USH1C: variants seen among roughly 807,000 people sequenced by gnomAD.
USH1C encodes harmonin.
In USH1C, 90 loss-of-function variants were observed where a neutral mutation model predicts 119.3. That is an observed-to-expected ratio of 0.75 (90% CI 0.64 to 0.90). The LOEUF (loss-of-function observed/expected upper bound fraction) is 0.90. Among genes scored for constraint, USH1C ranks in the 40% least tolerant of loss-of-function variants. The pLI, the probability that USH1C is intolerant of heterozygous loss-of-function variation, is 0.00. For synonymous variants in USH1C, 465 were observed against 443.3 expected, an observed-to-expected ratio of 1.05 and a Z score of -0.62; for missense variants, 1,165 against 1,167.7, an observed-to-expected ratio of 1.00 and a Z score of 0.03.
At chr11:17,510,128 A>G (rs1221115415) in intron 17 of USH1C, among the ~76,000 whole-genome samples, 3 of 152,150 alleles carry the variant, frequency 2.0e-5, no homozygotes, top group African/African-American at 7.2e-5. Flanking sequence ...TTGAGAGTGT[A>G]AGGGGGACTC....
chr11:17,510,663 T>A, intron 16 of USH1C, 142 bp from the exon 17 acceptor site: 1 of 713,152 alleles, frequency 1.4e-6, no homozygotes, highest in Non-Finnish European at 2.5e-6. Context: ...GACCTGGGCT[T>A]GTTCCAACTG....
rs1472608729 is a variant in USH1C at position 17,510,321 on chromosome 11, T to C, written c.1530+84A>G. The C allele has an allele frequency of 5.2e-6, 6 of 1,147,880 alleles. No individual in the cohort carries two copies. The East Asian group carries it at 1.2e-4, about 23-fold the overall frequency. The allele number at this position is 1,147,880 out of a possible 1,614,324, so 71.1% of individuals were successfully genotyped here. The stretch of plus-strand genomic sequence containing the variant: ...CTGTGAGGCTAGTGACGTTTGCTAG[T>C]TGTCATCTCACCTCCCGCTGTCCCC... On this transcript the variant is annotated intron_variant, in intron 17 of 26. Transcript: ENST00000005226.
At chr11:17,499,297 G>A (rs183762859) in intron 23 of USH1C, among the ~76,000 whole-genome samples, 42 of 152,356 alleles carry the variant, frequency 2.8e-4, no homozygotes, top group Admixed American at 2.1e-3. Context: ...GACAATGGTG[G>A]CCATGGTGGC....
chr11:17,495,590 G>A lies in USH1C; in HGVS notation c.2634C>T (p.Phe878=). The A allele has an allele frequency of 6.2e-7, 1 of 1,614,164 alleles. No individual in the cohort carries two copies. The highest frequency in any genetic ancestry group is 8.5e-7 in the Non-Finnish European group (1 of 1,180,046). ...TCACCGTGGGCTCCAGCTGCAGGAG[G>A]AACCCGTGTCTGTGCACGGCAGCAC... is the stretch of plus-strand genomic sequence containing the variant. The part of the protein sequence containing the change: ...EDRAAVHRHG[F]LLQLEPTDLL... Residue 878 remains phenylalanine (F), a synonymous_variant, in exon 26 of 27, where the codon TTC becomes TTT. Coordinates refer to ENST00000005226, the MANE Select transcript of USH1C (RefSeq NM_153676.4).
chr11:17,534,294 G>T lies in USH1C; in HGVS notation c.37-972C>A, dbSNP rs138740932. On this transcript the variant is annotated intron_variant, in intron 1 of 26. Transcript: ENST00000005226. ...AGAGCAGCGTTACCTCTTTCTGTGG[G>T]TATCCCAAGGGTTCTGGAAGACCGG... is the stretch of plus-strand genomic sequence containing the variant. Among the ~76,000 whole-genome samples the T allele has an allele frequency of 4.1e-3, 625 of 152,340 alleles. 5 individuals are homozygous for T. Among genetic ancestry groups the T allele is most frequent in the Non-Finnish European group, 7.2e-3 (489 of 68,026 alleles).
intron 24 of USH1C, 45 bp downstream of exon 24, chr11:17,498,117 G>C (rs1246807854): frequency 1.3e-6 from 2 of 1,573,830 alleles, no homozygotes; most frequent in Non-Finnish European, 1.7e-6. Context: ...CAGGGTTTGA[G>C]GCAGGCAGGT....
At position 17,524,795 on chromosome 11, in the gene USH1C, A is replaced by C. The variant is rs530903680; in HGVS notation, c.675-260T>G. ...CTTTCTAGCACTTTCCTGTCCATCC[A>C]TTAAGACTCAAATGCTATCCCTTCT... On this transcript the variant is annotated intron_variant, in intron 8 of 26. Coordinates refer to ENST00000005226, the MANE Select transcript of USH1C (RefSeq NM_153676.4). 0.023 allele frequency among the ~76,000 whole-genome samples: 3,553 copies of C among 152,268 alleles called. 142 individuals carry two copies. Among genetic ancestry groups the C allele is most frequent in the African/African-American group, 0.08 (3,329 of 41,514 alleles).
chr11:17,542,119 C>T (rs1851495638), intron 1 of USH1C, among the ~76,000 whole-genome samples: 1 of 152,230 alleles, frequency 6.6e-6, no homozygotes, highest in Non-Finnish European at 1.5e-5. Context: ...TATCTCTTTT[C>T]ACAAGTAAGA....
rs534567723 is a variant in USH1C, at chr11:17,494,215, G to C, written c.*117C>G. The C allele has an allele frequency of 3.0e-4, 397 of 1,322,830 alleles. No individual in the cohort carries two copies. Among genetic ancestry groups the C allele is most frequent in the Non-Finnish European group, 4.0e-4 (379 of 939,818 alleles). 81.9% of individuals were successfully genotyped at this position (1,322,830 alleles called of 1,614,324 possible). On this transcript the variant is annotated 3_prime_UTR_variant, in exon 27 of 27. Transcript: ENST00000005226. Reference sequence around the variant, plus strand: ...TGGTTCAGGGCCAAAGGGAGTTTGAGATTCCTGGGTGATAGATTCAGGTCC... The same window carrying C: ...TGGTTCAGGGCCAAAGGGAGTTTGACATTCCTGGGTGATAGATTCAGGTCC...
chr11:17,519,868 A>C (rs1296022701), intron 14 of USH1C, among the ~76,000 whole-genome samples: 1 of 152,198 alleles, frequency 6.6e-6, no homozygotes, highest in Non-Finnish European at 1.5e-5. Flanking sequence ...GCAGGTTGAC[A>C]TTCCCATAGG....
chr11:17,526,673 C>T, intron 7 of USH1C, 80 bp downstream of exon 7: 2 of 1,482,244 alleles, frequency 1.3e-6, no homozygotes, highest in Non-Finnish European at 1.9e-6. Flanking sequence ...ATCTCTAGAG[C>T]AAGCCCTCCC....
rs921755529 is a variant in USH1C, at chr11:17,501,152, T to C, written c.2281-2A>G. On this transcript the variant is annotated splice_acceptor_variant, in intron 22 of 26. Coordinates refer to ENST00000005226, the MANE Select transcript of USH1C (RefSeq NM_153676.4). LOFTEE classifies it high-confidence loss of function. ...CAGGGCCAGGTCTAAGGATCCCTCC[T>C]GGTTAGAGGAAAACAGGCCTTAGGG... 6.2e-7 allele frequency: 1 copy of C among 1,612,474 alleles called. No homozygotes were observed. Among genetic ancestry groups the C allele is most frequent in the African/African-American group, 1.3e-5 (1 of 74,860 alleles).
At chr11:17,528,483 G>A (rs1180849550) in intron 4 of USH1C, among the ~76,000 whole-genome samples, 1 of 152,248 alleles carries the variant, frequency 6.6e-6, no homozygotes, top group Non-Finnish European at 1.5e-5. Flanking sequence ...GCAAAACAGA[G>A]ACTGGCTCCT....
chr11:17,537,143 T>C (rs1399778692), intron 1 of USH1C, among the ~76,000 whole-genome samples: 3 of 152,228 alleles, frequency 2.0e-5, no homozygotes. Context: ...AATACCACCA[T>C]CACTTAAATT....
At chr11:17,527,370 G>C (rs771665337) in intron 4 of USH1C, 39 bp from the exon 5 acceptor site, 75 of 1,526,860 alleles carry the variant, frequency 4.9e-5, no homozygotes, top group Admixed American at 2.8e-4. Flanking sequence ...CAGGTGGAGG[G>C]AGCATCAGGC....
intron 1 of USH1C, among the ~76,000 whole-genome samples, chr11:17,534,589 C>T (rs950385728): frequency 3.3e-5 from 5 of 152,166 alleles, no homozygotes; most frequent in African/African-American, 1.2e-4. Context: ...GAGTTCCCAG[C>T]TAGGGCTGGG....
At chr11:17,497,739 G>T (rs1323143514) in intron 24 of USH1C, among the ~76,000 whole-genome samples, 1 of 152,228 alleles carries the variant, frequency 6.6e-6, no homozygotes, top group Non-Finnish European at 1.5e-5. Context: ...TGCAGTGGCC[G>T]TGATCCAGGT....
In USH1C at chr11:17,533,370, C is replaced by A. The variant is rs375816874; in HGVS notation, c.37-48G>T. On this transcript the variant is annotated intron_variant, in intron 1 of 26. Coordinates refer to ENST00000005226, the MANE Select transcript of USH1C (RefSeq NM_153676.4). ...CACAGCTCCAGGCTCAGCACCCGCCCCCATAGCAGACCTCAGGGAGGAGAG... is the reference window on the plus strand; with the variant it reads ...CACAGCTCCAGGCTCAGCACCCGCCACCATAGCAGACCTCAGGGAGGAGAG... 634 of 1,366,916 alleles carry A rather than the reference C, an allele frequency of 4.6e-4. 1 individual carries two copies. In the African/African-American group the frequency reaches 5.5e-3, roughly 12 times the overall value. 84.7% of individuals were successfully genotyped at this position (1,366,916 alleles called of 1,614,324 possible). A position where few individuals can be genotyped will look rare whatever the true frequency, so the allele number is the denominator to read the frequency against.
intron 1 of USH1C, among the ~76,000 whole-genome samples, chr11:17,538,890 C>T (rs1314132236): frequency 6.6e-6 from 1 of 152,196 alleles, no homozygotes; most frequent in East Asian, 1.9e-4. Flanking sequence ...TGGTTCTCAC[C>T]TGTTCTGGTA....
Sources: gnomAD v4.1 joint callset for allele counts (sites outside exome capture counted in the v4.1 genomes callset) on GRCh38, gnomAD v4.1.1 for gene constraint, MANE v1.5 for transcripts, NCBI Gene and HGNC (gene_info 2026-07-23, HGNC 2026-07-21) for gene names.